SEPTIN9: variants seen among roughly 807,000 people sequenced by gnomAD.
The protein encoded by SEPTIN9 is septin-9.
In SEPTIN9, 13 loss-of-function variants were observed where a neutral mutation model predicts 56.6. The ratio of observed to expected loss-of-function variants is 0.23; its 90% CI spans 0.15 to 0.37. The LOEUF (loss-of-function observed/expected upper bound fraction) is 0.37. SEPTIN9 is among the 10% of genes least tolerant of loss of function. The pLI is 1.00. For synonymous variants in SEPTIN9, 332 were observed against 334.1 expected (o/e 0.99, Z 0.07); for missense variants, 650 against 823.1 (o/e 0.79, Z 2.57).
intron 3 of SEPTIN9, among the ~76,000 whole-genome samples, chr17:77,407,832 T>G (rs1215493434): frequency 6.6e-6 from 1 of 152,154 alleles, no homozygotes; most frequent in East Asian, 1.9e-4. Context: ...AGGCTCTGGG[T>G]GGGGACGGCC....
intron 3 of SEPTIN9, among the ~76,000 whole-genome samples, chr17:77,426,288 A>G (rs1043608959): frequency 1.3e-5 from 2 of 151,992 alleles, no homozygotes; most frequent in African/African-American, 2.4e-5. Context: ...TCCCCTGCAC[A>G]GCACACCTCC....
chr17:77,321,603 T>C (rs2143660132), intron 2 of SEPTIN9, among the ~76,000 whole-genome samples: 1 of 152,198 alleles, frequency 6.6e-6, no homozygotes, highest in Non-Finnish European at 1.5e-5. Context: ...TCAACCAGGA[T>C]GGTCTCGATC....
chr17:77,492,381 C>T lies in SEPTIN9; in HGVS notation c.1381-240C>T, dbSNP rs1308553660. Among the ~76,000 whole-genome samples the T allele has an allele frequency of 2.6e-5, 4 of 152,086 alleles. No individual in the cohort carries two copies. Among genetic ancestry groups the T allele is most frequent in the Admixed American group, 6.5e-5 (1 of 15,274 alleles). On this transcript the variant is annotated intron_variant, in intron 8 of 11. Coordinates refer to ENST00000427177, the MANE Select transcript of SEPTIN9 (RefSeq NM_001113491.2). The surrounding 1 kb of genome is among the most constrained non-coding windows in gnomAD (Gnocchi z 5.4). ...GAAGAGAGGTGGGAGGTGCTCAGGACGATGACCTTAAGCCCCTGGGGAGTT... is the reference window on the plus strand; with the variant it reads ...GAAGAGAGGTGGGAGGTGCTCAGGATGATGACCTTAAGCCCCTGGGGAGTT...
intron 3 of SEPTIN9, among the ~76,000 whole-genome samples, chr17:77,414,033 C>T (rs1338983436): frequency 7.0e-6 from 1 of 143,016 alleles, no homozygotes; most frequent in East Asian, 2.0e-4. Flanking sequence ...TTTTAAACAG[C>T]TTTATTGAGA....
chr17:77,308,697 C>G (rs1052830021), intron 2 of SEPTIN9, among the ~76,000 whole-genome samples: 1 of 152,238 alleles, frequency 6.6e-6, no homozygotes, highest in African/African-American at 2.4e-5. Context: ...AGACCCAAAG[C>G]CTGCTTCTGA....
Position 77,449,481 on chromosome 17 carries a change from G to C in SEPTIN9, c.722-32663G>C, listed in dbSNP as rs1368955287. Among the ~76,000 whole-genome samples the C allele has an allele frequency of 6.6e-6, 1 of 152,150 alleles. No individual in the cohort carries two copies. Among genetic ancestry groups the C allele is most frequent in the East Asian group, 1.9e-4 (1 of 5,174 alleles). ...TTGGGCCCTGGGAAAAGCCTGGGGG[G>C]CCAGAAAGCTGGGGGACAGATTGAG... On this transcript the variant is annotated intron_variant, in intron 3 of 11. Coordinates refer to ENST00000427177, the MANE Select transcript of SEPTIN9 (RefSeq NM_001113491.2). The surrounding 1 kb of genome is among the most constrained non-coding windows in gnomAD (Gnocchi z 4.6).
intron 1 of SEPTIN9, among the ~76,000 whole-genome samples, chr17:77,306,412 G>A (rs776152138): frequency 7.2e-5 from 11 of 152,212 alleles, no homozygotes; most frequent in East Asian, 1.9e-4. Context: ...GCAGCCTTTC[G>A]GGTTTGCTTG....
chr17:77,377,882 T>C (rs2034989292), intron 2 of SEPTIN9, among the ~76,000 whole-genome samples: 2 of 152,064 alleles, frequency 1.3e-5, no homozygotes, highest in Non-Finnish European at 1.5e-5. Context: ...CTCTCTGCAG[T>C]TTGAGCTTTT....
chr17:77,316,603 G>C (rs1249487614), intron 2 of SEPTIN9, among the ~76,000 whole-genome samples: 1 of 152,204 alleles, frequency 6.6e-6, no homozygotes, highest in African/African-American at 2.4e-5. Context: ...CCGCCAGCCA[G>C]GCTGGGTCAG....
chr17:77,464,486 A>G (rs1445506893), intron 3 of SEPTIN9, among the ~76,000 whole-genome samples: 3 of 152,036 alleles, frequency 2.0e-5, no homozygotes, highest in Non-Finnish European at 2.9e-5. Flanking sequence ...TGAACTTTCT[A>G]AAAGGTAAAA....
At chr17:77,383,863 T>C (rs2035234944) in intron 2 of SEPTIN9, among the ~76,000 whole-genome samples, 1 of 152,250 alleles carries the variant, frequency 6.6e-6, no homozygotes, top group Non-Finnish European at 1.5e-5. Context: ...GGGGGAGTCA[T>C]CAGCCTCTCA....
chr17:77,478,802 C>CT (rs1187530482), intron 3 of SEPTIN9, among the ~76,000 whole-genome samples: 12 of 107,572 alleles, frequency 1.1e-4, no homozygotes, highest in African/African-American at 7.1e-4. Context: ...AAAACTCTGT[C>CT]TAAAAAAAAA....
At chr17:77,287,483 C>T (rs1405626619) in intron 1 of SEPTIN9, among the ~76,000 whole-genome samples, 4 of 152,198 alleles carry the variant, frequency 2.6e-5, no homozygotes, top group Admixed American at 2.0e-4. Context: ...ATTCCAGAAG[C>T]GTCTGCCGGG....
chr17:77,451,584 A>T lies in SEPTIN9; in HGVS notation c.722-30560A>T. 4.1e-6 allele frequency: 4 copies of T among 981,440 alleles called. No homozygotes were observed. Among genetic ancestry groups the T allele is most frequent in the Non-Finnish European group, 4.8e-6 (4 of 826,430 alleles). The allele number at this position is 981,440 out of a possible 1,614,324, so 60.8% of individuals were successfully genotyped here. A position where few individuals can be genotyped will look rare whatever the true frequency, so the allele number is the denominator to read the frequency against. On this transcript the variant is annotated intron_variant, in intron 3 of 11. Transcript: ENST00000427177. The surrounding 1 kb of genome is among the most constrained non-coding windows in gnomAD (Gnocchi z 4.2). The stretch of plus-strand genomic sequence containing the variant: ...TTGCACCACTGGCTCGGGGGCTCTC[A>T]GGTGGCGCGGCCGCGAGGCGGACCC...
intron 2 of SEPTIN9, among the ~76,000 whole-genome samples, chr17:77,312,037 G>T (rs1598176298): frequency 6.6e-6 from 1 of 152,134 alleles, no homozygotes; most frequent in Non-Finnish European, 1.5e-5. Flanking sequence ...GTCTCAACAG[G>T]CTGCCAAGAT....
chr17:77,318,113 CCCA>C lies in SEPTIN9; in HGVS notation c.76+10918_76+10920del, dbSNP rs2032774171. On this transcript the variant is annotated intron_variant, in intron 2 of 11. Transcript: ENST00000427177. The surrounding 1 kb of genome is among the most constrained non-coding windows in gnomAD (Gnocchi z 4.9). Reference sequence around the variant, plus strand: ...ACTTGAATCATCTCAAAACCATCTCCCCACTCCCTGGTCTGTGGAAAAATTGTC... The same window carrying C: ...ACTTGAATCATCTCAAAACCATCTCCCTCCCTGGTCTGTGGAAAAATTGTC... Among the ~76,000 whole-genome samples the C allele has an allele frequency of 6.6e-6, 1 of 151,872 alleles. No individual in the cohort carries two copies. The highest frequency in any genetic ancestry group is 1.5e-5 in the Non-Finnish European group (1 of 67,934).
intron 2 of SEPTIN9, among the ~76,000 whole-genome samples, chr17:77,344,303 A>G (rs931205507): frequency 3.3e-5 from 5 of 152,232 alleles, no homozygotes; most frequent in Non-Finnish European, 5.9e-5. Flanking sequence ...CAAAGCCACA[A>G]TAAAATATGA....
intron 2 of SEPTIN9, among the ~76,000 whole-genome samples, chr17:77,325,028 A>G (rs958707853): frequency 1.3e-5 from 2 of 152,018 alleles, no homozygotes; most frequent in African/African-American, 4.8e-5. Flanking sequence ...TGTGTTGACT[A>G]AGTTGGTCTC....
chr17:77,491,988 G>A (rs1046391115), intron 8 of SEPTIN9, among the ~76,000 whole-genome samples: 3 of 151,926 alleles, frequency 2.0e-5, no homozygotes, highest in Non-Finnish European at 4.4e-5. Flanking sequence ...AAATGAAACC[G>A]AGGTGCCTGG....
Sources: gnomAD v4.1 joint callset for allele counts (sites outside exome capture counted in the v4.1 genomes callset) on GRCh38, gnomAD v4.1.1 for gene constraint, Gnocchi (gnomAD v3.1) non-coding constraint, MANE v1.5 for transcripts, NCBI Gene and HGNC (gene_info 2026-07-23, HGNC 2026-07-21) for gene names.